Variants in SNX10 observed in about 807,000 individuals in gnomAD.
SNX10 encodes the protein sorting nexin 10, also known as sorting nexin-10.
In SNX10, 25 loss-of-function variants were observed where a neutral mutation model predicts 28.5. The ratio of observed to expected loss-of-function variants is 0.88; its 90% confidence interval spans 0.64 to 1.22. The LOEUF (loss-of-function observed/expected upper bound fraction) is 1.22. SNX10 is among the 50% of genes most tolerant of loss of function. The probability of loss-of-function intolerance (pLI) is 0.00; values close to 1 mark genes in which losing one functional copy is unlikely to be tolerated. For synonymous variants in SNX10, 62 were observed against 81.4 expected (o/e 0.76, Z 1.28); for missense variants, 223 against 242.6 (o/e 0.92, Z 0.54).
intron 2 of SNX10, among the ~76,000 whole-genome samples, chr7:26,347,044 T>C (rs1457036136): frequency 6.6e-6 from 1 of 152,178 alleles, no homozygotes; most frequent in Non-Finnish European, 1.5e-5. Flanking sequence ...CCTGCTGTGG[T>C]GCAGTGCACA....
chr7:26,347,818 C>T lies in SNX10; in HGVS notation c.24+1352C>T, dbSNP rs1788446968. On this transcript the variant is annotated intron_variant, in intron 2 of 6. Coordinates refer to ENST00000338523, the MANE Select transcript of SNX10 (RefSeq NM_013322.3). ...TGGGCTGAGATCATGCCACTGCACT[C>T]CAGCCTGGGTGACAAAGCGAGACTC... Among the ~76,000 whole-genome samples the T allele has an allele frequency of 3.3e-5, 5 of 152,268 alleles. No individual in the cohort carries two copies. The South Asian group carries it at 1.0e-3, about 32-fold the overall frequency.
rs1229198814 is a variant in SNX10 at position 26,328,523 on chromosome 7, C to G, written c.-23-17897C>G. On this transcript the variant is annotated intron_variant, in intron 1 of 6. Transcript: ENST00000338523. ...TACATGATATGGGAGTGGAAGTAGC[C>G]AAACCAGAGAATGAGTGTAGAGTGG... Among the ~76,000 whole-genome samples, 4 of 152,200 alleles carry G rather than the reference C, an allele frequency of 2.6e-5. No homozygotes were observed. The East Asian group carries it at 7.8e-4, about 29-fold the overall frequency.
chr7:26,312,645 G>A (rs1444266980), intron 1 of SNX10, among the ~76,000 whole-genome samples: 5 of 152,098 alleles, frequency 3.3e-5, no homozygotes, highest in African/African-American at 4.8e-5. Flanking sequence ...TTAGCCAGGC[G>A]TGTTGGCGCT....
intron 1 of SNX10, among the ~76,000 whole-genome samples, chr7:26,325,259 T>G (rs968264822): frequency 7.0e-6 from 1 of 143,742 alleles, no homozygotes; most frequent in African/African-American, 2.5e-5. Context: ...AGTTAAAGGT[T>G]AGTTTGTGGG....
chr7:26,364,419 G>T lies in SNX10; in HGVS notation c.112-116G>T. The T allele has an allele frequency of 7.1e-7, 1 of 1,408,122 alleles. No individual in the cohort carries two copies. The allele number at this position is 1,408,122 out of a possible 1,614,324, so 87.2% of individuals were successfully genotyped here. ...AGTACTGGCATAAATATAAATATAT[G>T]TTTGGTGGTTTAAATCCTATTTAGA... is the stretch of plus-strand genomic sequence containing the variant. On this transcript the variant is annotated intron_variant, in intron 3 of 6. Coordinates refer to ENST00000338523, the MANE Select transcript of SNX10 (RefSeq NM_013322.3). This position sits in a 1 kb window ranked among gnomAD's most constrained non-coding sequence, Gnocchi z 4.9.
Position 26,365,146 on chromosome 7 carries a change from G to T in SNX10, c.311+1G>T, listed in dbSNP as rs1408525341. The T allele has an allele frequency of 6.3e-7, 1 of 1,592,292 alleles. No individual in the cohort carries two copies. Among genetic ancestry groups the T allele is most frequent in the South Asian group, 1.1e-5 (1 of 90,628 alleles). On this transcript the variant is annotated splice_donor_variant, in intron 5 of 6. Transcript: ENST00000338523. LOFTEE classifies it high-confidence loss of function. ...AGGGTCTGGAAGATTTCCTCAGAAA[G>T]TGAGTGTCCAGAAACTTTTGTGGCC...
At chr7:26,309,583 G>A (rs1786740352) in intron 1 of SNX10, among the ~76,000 whole-genome samples, 1 of 152,096 alleles carries the variant, frequency 6.6e-6, no homozygotes, top group South Asian at 2.1e-4. Flanking sequence ...GTCTTTTCAG[G>A]TATCCGGCTG....
intron 1 of SNX10, among the ~76,000 whole-genome samples, chr7:26,323,906 G>A (rs924453270): frequency 6.6e-6 from 1 of 152,196 alleles, no homozygotes; most frequent in Non-Finnish European, 1.5e-5. Flanking sequence ...TCAGTGCTCC[G>A]TAAATAAGGG....
Position 26,339,538 on chromosome 7 carries a change from TTTTTC to T in SNX10, c.-23-6877_-23-6873del, listed in dbSNP as rs765607460. ...TTGTTGTTGAGCTTGATCTTTTTTT[TTTTTC>T]TTTTTTTTTTGACAGAGTCTCACTC... is the stretch of plus-strand genomic sequence containing the variant. On this transcript the variant is annotated intron_variant, in intron 1 of 6. Coordinates refer to ENST00000338523, the MANE Select transcript of SNX10 (RefSeq NM_013322.3). 2.4e-3 allele frequency among the ~76,000 whole-genome samples: 93 copies of T among 38,150 alleles called. 2 individuals carry two copies. Among genetic ancestry groups the T allele is most frequent in the Non-Finnish European group, 4.1e-3 (67 of 16,154 alleles). The allele number at this position is 38,150 out of a possible 152,430, so 25.0% of individuals were successfully genotyped here.
intron 1 of SNX10, among the ~76,000 whole-genome samples, chr7:26,300,087 T>C (rs906535247): frequency 6.6e-6 from 1 of 152,082 alleles, no homozygotes; most frequent in African/African-American, 2.4e-5. Flanking sequence ...GGTGCATGCC[T>C]GTAATCTCAG....
chr7:26,330,979 A>T (rs1787727087), intron 1 of SNX10, among the ~76,000 whole-genome samples: 1 of 152,074 alleles, frequency 6.6e-6, no homozygotes, highest in South Asian at 2.1e-4. Context: ...GCAAAACCTC[A>T]TCTCTACAAA....
In SNX10 at chr7:26,291,881, G is replaced by A. The variant is rs1443248994; in HGVS notation, c.-229G>A. 3 of 148,328 alleles carry A rather than the reference G, an allele frequency of 2.0e-5. No homozygotes were observed. The highest frequency in any genetic ancestry group is 4.3e-4 in the East Asian group (2 of 4,616). 9.2% of individuals were successfully genotyped at this position (148,328 alleles called of 1,614,324 possible). On this transcript the variant is annotated 5_prime_UTR_variant, in exon 1 of 7. Transcript: ENST00000338523. ...GGAAGCACTAGGCGCGGCGCCCACA[G>A]GCGGACGGCTGGCGCTGAGCGCGGG... is the stretch of plus-strand genomic sequence containing the variant.
In SNX10 at chr7:26,317,247, C is replaced by A. The variant is rs1584108934; in HGVS notation, c.-24+25161C>A. Among the ~76,000 whole-genome samples the A allele has an allele frequency of 3.3e-5, 5 of 152,274 alleles. No homozygotes were observed. The East Asian group carries it at 9.6e-4, about 29-fold the overall frequency. On this transcript the variant is annotated intron_variant, in intron 1 of 6. Coordinates refer to ENST00000338523, the MANE Select transcript of SNX10 (RefSeq NM_013322.3). ...CTGACCTTGTTGGAGGGAGTGAGAGCAAGCGCCCTGGGTAGTGAGATTGTA... is the reference window on the plus strand; with the variant it reads ...CTGACCTTGTTGGAGGGAGTGAGAGAAAGCGCCCTGGGTAGTGAGATTGTA...
chr7:26,369,890 A>G (rs1789446633), intron 5 of SNX10, among the ~76,000 whole-genome samples: 1 of 152,232 alleles, frequency 6.6e-6, no homozygotes, highest in Non-Finnish European at 1.5e-5. Context: ...TTAAGTTACT[A>G]GCAAGTTAAT....
intron 1 of SNX10, among the ~76,000 whole-genome samples, chr7:26,324,922 G>T (rs767839643): frequency 4.6e-5 from 7 of 152,102 alleles, no homozygotes; most frequent in Non-Finnish European, 8.8e-5. Context: ...AGAGGTCACA[G>T]AACATTTCTT....
At position 26,364,904 on chromosome 7, in the gene SNX10, A is replaced by G; in HGVS notation, c.213-143A>G. ...TGACTTCCTGATACCCTTATTATAT[A>G]ACTATATAATGTATAATCATAATTA... On this transcript the variant is annotated intron_variant, in intron 4 of 6. Coordinates refer to ENST00000338523, the MANE Select transcript of SNX10 (RefSeq NM_013322.3). This position sits in a 1 kb window ranked among gnomAD's most constrained non-coding sequence, Gnocchi z 4.9. The G allele has an allele frequency of 1.7e-6, 1 of 601,450 alleles. No individual in the cohort carries two copies. The allele number at this position is 601,450 out of a possible 1,614,324, so 37.3% of individuals were successfully genotyped here.
intron 1 of SNX10, among the ~76,000 whole-genome samples, chr7:26,332,186 T>G (rs1404342938): frequency 6.6e-6 from 1 of 152,220 alleles, no homozygotes; most frequent in African/African-American, 2.4e-5. Context: ...GCTGCACAAT[T>G]TTTTATTTCC....
chr7:26,372,457 CTTTTTA>C, intron 6 of SNX10, 28 bp from the exon 7 acceptor site: 1 of 1,397,224 alleles, frequency 7.2e-7, no homozygotes. Flanking sequence ...CCAATTTCCT[CTTTTTA>C]TTATTTTCCC....
At chr7:26,342,449 C>G (rs1187886262) in intron 1 of SNX10, among the ~76,000 whole-genome samples, 2 of 152,170 alleles carry the variant, frequency 1.3e-5, no homozygotes, top group Non-Finnish European at 2.9e-5. Flanking sequence ...AATGCCATGG[C>G]AAGTTCTAGT....
Sources: allele counts gnomAD v4.1 joint callset (sites outside exome capture counted in the v4.1 genomes callset), GRCh38; gene constraint gnomAD v4.1.1; non-coding constraint Gnocchi (gnomAD v3.1); transcripts MANE v1.5; gene names NCBI Gene and HGNC (gene_info 2026-07-23, HGNC 2026-07-21).